Variants in PWP1 observed in about 807,000 individuals in gnomAD.
PWP1 encodes the protein periodic tryptophan protein 1 homolog.
Under a neutral mutation model 69.9 loss-of-function variants are expected in PWP1, and 47 were observed. The ratio of observed to expected loss-of-function variants is 0.67; its 90% confidence interval spans 0.53 to 0.86. The LOEUF (loss-of-function observed/expected upper bound fraction) is 0.86. Ranked by LOEUF, PWP1 falls within the 40% of genes least tolerant of loss-of-function variation. The probability of loss-of-function intolerance (pLI) is 0.00; values close to 1 mark genes in which losing one functional copy is unlikely to be tolerated. For synonymous variants in PWP1, 222 were observed against 208.2 expected (o/e 1.07, Z -0.57); for missense variants, 551 against 608.8 (o/e 0.91, Z 1.00).
chr12:107,699,578 G>A (rs1291828445), intron 8 of PWP1, 144 bp downstream of exon 8: 4 of 659,098 alleles, frequency 6.1e-6, no homozygotes, highest in African/African-American at 5.6e-5. Flanking sequence ...GCAGGCAGGA[G>A]CTCTGTCATC....
intron 1 of PWP1, among the ~76,000 whole-genome samples, chr12:107,687,723 G>A (rs1460517418): frequency 6.6e-6 from 1 of 151,954 alleles, no homozygotes; most frequent in Non-Finnish European, 1.5e-5. Context: ...CTGTGACCAT[G>A]CCACATCTCT....
intron 5 of PWP1, among the ~76,000 whole-genome samples, chr12:107,695,289 T>C (rs2136275509): frequency 6.6e-6 from 1 of 152,014 alleles, no homozygotes; most frequent in East Asian, 1.9e-4. Flanking sequence ...TTATTACCAA[T>C]TTTATGTAAA....
At chr12:107,687,696 T>G (rs1440687672) in intron 1 of PWP1, among the ~76,000 whole-genome samples, 1 of 151,216 alleles carries the variant, frequency 6.6e-6, no homozygotes, top group African/African-American at 2.4e-5. Context: ...AGCCCAGGAG[T>G]TCACAGCTGC....
chr12:107,703,021 A>G lies in PWP1; in HGVS notation c.893A>G (p.His298Arg), dbSNP rs756478033. The G allele has an allele frequency of 6.3e-7, 1 of 1,598,674 alleles. No homozygotes were observed. The highest frequency in any genetic ancestry group is 1.7e-5 in the Admixed American group (1 of 59,976). The change falls in exon 9 of 15, where the codon CAC (histidine) becomes CGC (arginine). Residue 298 changes from histidine (H) to arginine (R), a missense_variant. His to Arg is a conservative substitution (Grantham distance 29). Coordinates refer to ENST00000412830, the MANE Select transcript of PWP1 (RefSeq NM_007062.3). ...AAACCAGCAGCTAGCCTCGCTGTAC[A>G]CACAGACAAGGTATGGTGATTTAGT... is the stretch of plus-strand genomic sequence containing the variant. ...LGKPAASLAV[H>R]TDKVQTLQFH...
chr12:107,709,390 T>C (rs1280137813), intron 13 of PWP1, among the ~76,000 whole-genome samples, 158 bp downstream of exon 13: 1 of 152,202 alleles, frequency 6.6e-6, no homozygotes, highest in Non-Finnish European at 1.5e-5. Context: ...TTTGGTGGGA[T>C]TTTATGACTT....
intron 3 of PWP1, among the ~76,000 whole-genome samples, chr12:107,691,325 A>C (rs919415673): frequency 6.6e-6 from 1 of 152,204 alleles, no homozygotes; most frequent in Non-Finnish European, 1.5e-5. Flanking sequence ...GTCTGGAAGA[A>C]AGACTTAATT....
intron 5 of PWP1, 118 bp from the exon 6 acceptor site, chr12:107,696,356 T>C (rs1889587737): frequency 7.3e-7 from 1 of 1,377,186 alleles, no homozygotes; most frequent in Non-Finnish European, 9.6e-7. Flanking sequence ...TAATATCAGA[T>C]GTCTCACTTT....
chr12:107,705,895 A>G (rs980659789), intron 11 of PWP1, among the ~76,000 whole-genome samples: 6 of 152,132 alleles, frequency 3.9e-5, no homozygotes, highest in Non-Finnish European at 8.8e-5. Flanking sequence ...ATGATTTATA[A>G]TCCTTTGGGT....
intron 7 of PWP1, 70 bp from the exon 8 acceptor site, chr12:107,699,303 C>A: frequency 8.7e-7 from 1 of 1,145,002 alleles, no homozygotes; most frequent in Non-Finnish European, 1.3e-6. Context: ...AAGAATTTTG[C>A]AGATTAATAT....
At chr12:107,707,675 T>TC (rs1171888824) in intron 11 of PWP1, among the ~76,000 whole-genome samples, 1 of 152,206 alleles carries the variant, frequency 6.6e-6, no homozygotes, top group Non-Finnish European at 1.5e-5. Context: ...TGTCTTTGGT[T>TC]CTGTTTATAT....
At chr12:107,698,261 C>G (rs1403743601) in intron 7 of PWP1, among the ~76,000 whole-genome samples, 1 of 152,152 alleles carries the variant, frequency 6.6e-6, no homozygotes, top group African/African-American at 2.4e-5. Context: ...ACTTGGGAGG[C>G]TGAGGCAGGA....
In PWP1 at chr12:107,688,768, C is replaced by T. The variant is rs1241727499; in HGVS notation, c.285C>T (p.Tyr95=). The change falls in exon 3 of 15, where the codon TAC becomes TAT. Residue 95 remains tyrosine, a synonymous_variant. Transcript: ENST00000412830. The part of the protein sequence containing the change: ...RTLDDDELAE[Y]DLDKYDEEGD... ...TTGATGATGATGAGCTGGCTGAGTA[C>T]GACTTAGATAAATATGATGAGGAAG... 7 of 1,614,030 alleles carry T rather than the reference C, an allele frequency of 4.3e-6. No individual in the cohort carries two copies. The highest frequency in any genetic ancestry group is 2.2e-5 in the East Asian group (1 of 44,880).
intron 11 of PWP1, among the ~76,000 whole-genome samples, chr12:107,706,118 T>C (rs371970371): frequency 5.9e-5 from 9 of 152,372 alleles, no homozygotes; most frequent in East Asian, 5.8e-4. Flanking sequence ...TATCTCATTG[T>C]GGTTTTGATT....
In PWP1 at chr12:107,686,834, T is replaced by C. The variant is rs546492747; in HGVS notation, c.72+863T>C. On this transcript the variant is annotated intron_variant, in intron 1 of 14. Transcript: ENST00000412830. ...ACAAAAAATTAGCCGGGTGTGGTGGTGGATGCCTGTAGTCCCAGCTACTCG... is the reference window on the plus strand; with the variant it reads ...ACAAAAAATTAGCCGGGTGTGGTGGCGGATGCCTGTAGTCCCAGCTACTCG... 5.7e-4 allele frequency among the ~76,000 whole-genome samples: 87 copies of C among 151,696 alleles called. No homozygotes were observed. In the South Asian group the frequency reaches 0.017, roughly 29 times the overall value.
intron 5 of PWP1, 92 bp from the exon 6 acceptor site, chr12:107,696,382 C>T (rs975093549): frequency 1.7e-5 from 26 of 1,512,112 alleles, no homozygotes; most frequent in African/African-American, 1.1e-4. Context: ...ACATGGCTCA[C>T]GTACATTTAA....
At chr12:107,708,728 C>T (rs1225514889) in intron 11 of PWP1, among the ~76,000 whole-genome samples, 198 bp from the exon 12 acceptor site, 1 of 152,166 alleles carries the variant, frequency 6.6e-6, no homozygotes, top group Non-Finnish European at 1.5e-5. Flanking sequence ...ATACTCATAT[C>T]CAGTAGACAT....
intron 8 of PWP1, among the ~76,000 whole-genome samples, chr12:107,702,129 G>A (rs1889723992): frequency 6.6e-6 from 1 of 152,150 alleles, no homozygotes; most frequent in South Asian, 2.1e-4. Context: ...TGTGATTGCT[G>A]TAGATTTTCA....
intron 1 of PWP1, among the ~76,000 whole-genome samples, chr12:107,686,983 A>G (rs895813443): frequency 2.8e-5 from 2 of 70,998 alleles, no homozygotes; most frequent in Non-Finnish European, 2.8e-5. Context: ...AAAAAAAAAA[A>G]AAAAAAAAAA....
chr12:107,702,486 C>G (rs528837737), intron 8 of PWP1, among the ~76,000 whole-genome samples: 2 of 152,110 alleles, frequency 1.3e-5, no homozygotes, highest in Non-Finnish European at 1.5e-5. Flanking sequence ...ACCATGTTGG[C>G]CAGGCTGGTC....
Sources: allele counts gnomAD v4.1 joint callset (sites outside exome capture counted in the v4.1 genomes callset), GRCh38; gene constraint gnomAD v4.1.1; transcripts MANE v1.5; gene names NCBI Gene and HGNC (gene_info 2026-07-23, HGNC 2026-07-21).